BLM: variants seen among roughly 807,000 people sequenced by gnomAD.
BLM encodes BLM RecQ like helicase.
In BLM, 95 loss-of-function variants were observed where a neutral mutation model predicts 135.3. The observed-to-expected ratio is 0.70, with a 90% confidence interval of 0.59 to 0.83. The LOEUF (loss-of-function observed/expected upper bound fraction) is 0.83, where lower values mean the gene tolerates loss of function less well. Ranked by LOEUF, BLM falls within the 40% of genes least tolerant of loss-of-function variation. BLM has a pLI of 0.00. For missense variants in BLM, 1,518 were observed against 1,663.9 expected, an observed-to-expected ratio of 0.91 and a Z score of 1.53; for synonymous variants, 520 against 589.2, an observed-to-expected ratio of 0.88 and a Z score of 1.70.
At chr15:90,773,095 C>CA (rs780966709) in intron 12 of BLM, among the ~76,000 whole-genome samples, 2,389 of 42,660 alleles carry the variant, frequency 0.056, 213 homozygotes, top group African/African-American at 0.18. Context: ...GAGACTGTCT[C>CA]AAAAAAAAAA....
chr15:90,726,278 C>G (rs1333082145), intron 1 of BLM, among the ~76,000 whole-genome samples: 1 of 151,994 alleles, frequency 6.6e-6, no homozygotes, highest in Non-Finnish European at 1.5e-5. Flanking sequence ...CTTTTCTTTC[C>G]TTTTTTTGAG....
At chr15:90,805,116 G>A (rs1017704240) in intron 19 of BLM, among the ~76,000 whole-genome samples, 3 of 150,966 alleles carry the variant, frequency 2.0e-5, no homozygotes, top group African/African-American at 7.3e-5. Flanking sequence ...GATTATAGGC[G>A]TGAGCCACCA....
chr15:90,752,758 C>T (rs992845035), intron 4 of BLM, among the ~76,000 whole-genome samples: 2 of 152,164 alleles, frequency 1.3e-5, no homozygotes, highest in Non-Finnish European at 2.9e-5. Flanking sequence ...ATGTTACCTT[C>T]GTCCTCATCC....
At chr15:90,744,803 A>G (rs1183867536) in intron 1 of BLM, among the ~76,000 whole-genome samples, 3 of 152,102 alleles carry the variant, frequency 2.0e-5, no homozygotes, top group Non-Finnish European at 4.4e-5. Flanking sequence ...CAATCCCAGC[A>G]CTTTGGGAGG....
intron 13 of BLM, among the ~76,000 whole-genome samples, chr15:90,783,196 A>G (rs1896661863): frequency 1.3e-5 from 2 of 152,170 alleles, no homozygotes; most frequent in Admixed American, 1.3e-4. Context: ...GTCTTTCCTC[A>G]GGCTTCTATC....
At chr15:90,777,276 C>T (rs1443874497) in intron 12 of BLM, among the ~76,000 whole-genome samples, 1 of 152,108 alleles carries the variant, frequency 6.6e-6, no homozygotes. Context: ...CTCAGCCTCC[C>T]AAGTAGCTGG....
intron 12 of BLM, 133 bp downstream of exon 12, chr15:90,769,719 C>G: frequency 9.3e-7 from 1 of 1,077,836 alleles, no homozygotes; most frequent in Non-Finnish European, 1.4e-6. Context: ...AAGTTGTAAC[C>G]CGATGGCAGC....
chr15:90,804,519 T>C (rs1197127860), intron 19 of BLM, among the ~76,000 whole-genome samples, 160 bp downstream of exon 19: 6 of 151,864 alleles, frequency 4.0e-5, no homozygotes, highest in Non-Finnish European at 8.8e-5. Context: ...GCTGGAGTGC[T>C]GTGGCATGAT....
intron 12 of BLM, among the ~76,000 whole-genome samples, chr15:90,775,961 T>C (rs915450446): frequency 6.6e-6 from 1 of 152,200 alleles, no homozygotes; most frequent in African/African-American, 2.4e-5. Flanking sequence ...CTAAATAGTG[T>C]GGACTACAGG....
rs1321234852 is a variant in BLM at position 90,794,324 on chromosome 15, A to G, written c.3177A>G (p.Pro1059=). Residue 1059 remains proline, a synonymous_variant, in exon 16 of 22, where the codon CCA becomes CCG. Transcript: ENST00000355112. ...GFNPDFCKKH[P]DVSCDNCCKT... Reference sequence around the variant, plus strand: ...ATCCTGATTTTTGTAAGAAACACCCAGATGTTTCTTGTGATAATTGCTGTA... The same window carrying G: ...ATCCTGATTTTTGTAAGAAACACCCGGATGTTTCTTGTGATAATTGCTGTA... 1 of 1,603,648 alleles carries G rather than the reference A, an allele frequency of 6.2e-7. No homozygotes were observed. Among genetic ancestry groups the G allele is most frequent in the African/African-American group, 1.3e-5 (1 of 74,796 alleles).
intron 5 of BLM, among the ~76,000 whole-genome samples, chr15:90,759,761 C>T (rs931782969): frequency 4.6e-5 from 7 of 152,010 alleles, no homozygotes; most frequent in African/African-American, 1.7e-4. Context: ...CACGCACCAC[C>T]ATGCCCGGCT....
chr15:90,767,491 C>T (rs1896166103), intron 10 of BLM, among the ~76,000 whole-genome samples: 1 of 152,112 alleles, frequency 6.6e-6, no homozygotes, highest in South Asian at 2.1e-4. Flanking sequence ...TAATATCTTT[C>T]GTGATTTTGA....
chr15:90,774,144 G>A (rs1240679489), intron 12 of BLM, among the ~76,000 whole-genome samples: 1 of 142,564 alleles, frequency 7.0e-6, no homozygotes, highest in Non-Finnish European at 1.5e-5. Context: ...GTGCAATCTC[G>A]GCTCACTACA....
At chr15:90,742,312 C>G (rs1332105272) in intron 1 of BLM, among the ~76,000 whole-genome samples, 1 of 152,146 alleles carries the variant, frequency 6.6e-6, no homozygotes, top group Non-Finnish European at 1.5e-5. Flanking sequence ...TACAGAGCGA[C>G]GCTCTGTTTT....
chr15:90,810,241 G>T (rs964745162), intron 20 of BLM, among the ~76,000 whole-genome samples: 1 of 152,032 alleles, frequency 6.6e-6, no homozygotes, highest in Non-Finnish European at 1.5e-5. Context: ...TTTTGGTAGA[G>T]TTGGGGTTTC....
At chr15:90,726,344 C>T (rs1894914477) in intron 1 of BLM, among the ~76,000 whole-genome samples, 1 of 152,230 alleles carries the variant, frequency 6.6e-6, no homozygotes, top group Admixed American at 6.5e-5. Flanking sequence ...TCTTGGCTCA[C>T]TGCAACCTCT....
At chr15:90,770,253 G>A (rs1483556527) in intron 12 of BLM, among the ~76,000 whole-genome samples, 4 of 142,106 alleles carry the variant, frequency 2.8e-5, no homozygotes, top group Non-Finnish European at 6.0e-5. Flanking sequence ...GGCTCACTCC[G>A]AGTTCTGCCT....
chr15:90,745,530 C>T (rs1895477791), intron 1 of BLM, among the ~76,000 whole-genome samples: 1 of 152,124 alleles, frequency 6.6e-6, no homozygotes, highest in Admixed American at 6.5e-5. Flanking sequence ...CCACCTCAGC[C>T]TCCTGAGTAG....
chr15:90,786,060 A>T (rs28745033), intron 14 of BLM, among the ~76,000 whole-genome samples: 1 of 144,896 alleles, frequency 6.9e-6, no homozygotes, highest in South Asian at 2.2e-4. Context: ...CTAGAGTGCA[A>T]TGGCATGATC....
Sources: gnomAD v4.1 joint callset for allele counts (sites outside exome capture counted in the v4.1 genomes callset) on GRCh38, gnomAD v4.1.1 for gene constraint, MANE v1.5 for transcripts, NCBI Gene and HGNC (gene_info 2026-07-23, HGNC 2026-07-21) for gene names.